Variants in APBA2 observed in about 807,000 individuals in gnomAD.
APBA2 encodes the protein amyloid beta precursor protein binding family A member 2.
In APBA2, 30 loss-of-function variants were observed where a neutral mutation model predicts 75.0. The observed-to-expected ratio is 0.40, with a 90% confidence interval of 0.30 to 0.54. The LOEUF is 0.54. Among genes scored for constraint, APBA2 ranks in the 20% least tolerant of loss-of-function variants. The pLI, the probability that APBA2 is intolerant of heterozygous loss-of-function variation, is 0.49. For missense variants in APBA2, 801 were observed against 1,016.1 expected (o/e 0.79, Z 2.88); for synonymous variants, 444 against 409.6 (o/e 1.08, Z -1.01).
At chr15:29,008,265 C>A (rs952856591) in intron 3 of APBA2, among the ~76,000 whole-genome samples, 4 of 152,126 alleles carry the variant, frequency 2.6e-5, no homozygotes, top group African/African-American at 9.7e-5. Context: ...TTAATTAGGA[C>A]AGAGGTTCAG....
chr15:29,078,575 T>C (rs1195236627), intron 6 of APBA2, among the ~76,000 whole-genome samples: 11 of 148,212 alleles, frequency 7.4e-5, no homozygotes, highest in Middle Eastern at 3.5e-3. Flanking sequence ...CATGCCACTG[T>C]ACTCCAGCCT....
At chr15:29,048,708 G>C (rs1239535379) in intron 3 of APBA2, among the ~76,000 whole-genome samples, 2 of 151,992 alleles carry the variant, frequency 1.3e-5, no homozygotes, top group East Asian at 3.9e-4. Context: ...GGCTGAGGCA[G>C]GTGAATCATG....
chr15:29,041,461 T>C (rs948187076), intron 3 of APBA2, among the ~76,000 whole-genome samples: 7 of 142,802 alleles, frequency 4.9e-5, no homozygotes, highest in Non-Finnish European at 1.0e-4. Flanking sequence ...CCAGCCTGGG[T>C]GACAGAGCAA....
intron 8 of APBA2, 84 bp downstream of exon 8, chr15:29,094,397 C>A: frequency 1.6e-6 from 2 of 1,276,540 alleles, no homozygotes; most frequent in African/African-American, 1.6e-5. Context: ...CTGGGGGGTT[C>A]CCCTGGGGAT....
At chr15:28,940,188 G>A (rs1191448757) in intron 2 of APBA2, among the ~76,000 whole-genome samples, 1 of 151,886 alleles carries the variant, frequency 6.6e-6, no homozygotes, top group Non-Finnish European at 1.5e-5. Context: ...GAGGAGAAAG[G>A]AGATACGGAG....
intron 2 of APBA2, among the ~76,000 whole-genome samples, chr15:28,970,839 G>A (rs1035062520): frequency 4.6e-5 from 7 of 151,954 alleles, no homozygotes; most frequent in African/African-American, 1.7e-4. Flanking sequence ...GGAGGAAAGG[G>A]AGTCCCCACC....
chr15:29,030,428 C>T (rs1025612839), intron 3 of APBA2, among the ~76,000 whole-genome samples: 1 of 151,874 alleles, frequency 6.6e-6, no homozygotes, highest in Admixed American at 6.6e-5. Context: ...CCCCACTGCA[C>T]TCTAGCCTGG....
rs547601373 is a variant in APBA2, at chr15:28,980,190, A to C, written c.-94-15563A>C. 1.4e-4 allele frequency among the ~76,000 whole-genome samples: 21 copies of C among 152,338 alleles called. No homozygotes were observed. In the South Asian group the frequency reaches 4.3e-3, roughly 32 times the overall value. On this transcript the variant is annotated intron_variant, in intron 2 of 14. Coordinates refer to ENST00000683413, the MANE Select transcript of APBA2 (RefSeq NM_001353788.2). Reference sequence around the variant, plus strand: ...GATTGAATTTAATCTGATTTCTGCTAGAGTTTGGTCATGTAAGATTTGAAA... The same window carrying C: ...GATTGAATTTAATCTGATTTCTGCTCGAGTTTGGTCATGTAAGATTTGAAA...
chr15:29,116,119 G>C (rs74721511), intron 14 of APBA2, among the ~76,000 whole-genome samples: 3,221 of 152,256 alleles, frequency 0.021, 137 homozygotes, highest in African/African-American at 0.075. Context: ...CGCAAAGAAG[G>C]ATTACAAGGC....
chr15:28,971,738 A>T (rs997656423), intron 2 of APBA2, among the ~76,000 whole-genome samples: 1 of 152,146 alleles, frequency 6.6e-6, no homozygotes, highest in Non-Finnish European at 1.5e-5. Flanking sequence ...AAAAAACTGT[A>T]CTTTAGAGAA....
intron 8 of APBA2, among the ~76,000 whole-genome samples, chr15:29,094,731 G>C (rs2043763847): frequency 6.6e-6 from 1 of 152,200 alleles, no homozygotes; most frequent in Admixed American, 6.5e-5. Context: ...AGGGTGAGTA[G>C]CTCAGTTTGC....
At chr15:28,927,333 CTTTTTGTTTTT>C (rs767144428) in intron 2 of APBA2, among the ~76,000 whole-genome samples, 68 of 122,478 alleles carry the variant, frequency 5.6e-4, no homozygotes, top group Non-Finnish European at 7.9e-4. Flanking sequence ...GGGTATTTTG[CTTTTTGTTTTT>C]TTTTTGTTTT....
At position 29,076,078 on chromosome 15, in the gene APBA2, A is replaced by C; in HGVS notation, c.1056A>C (p.Pro352=). 6.2e-7 allele frequency: 1 copy of C among 1,614,130 alleles called. No homozygotes were observed. Among genetic ancestry groups the C allele is most frequent in the East Asian group, 2.2e-5 (1 of 44,886 alleles). ...IPETKKVASF[P]SFVAVPGPCE... ...AGACAAAGAAGGTGGCATCATTTCC[A>C]AGTTTTGTGGCTGGTAAGTGACTTT... Residue 352 remains proline (P), a synonymous_variant, in exon 6 of 15, where the codon CCA becomes CCC. Coordinates refer to ENST00000683413, the MANE Select transcript of APBA2 (RefSeq NM_001353788.2).
intron 4 of APBA2, among the ~76,000 whole-genome samples, chr15:29,056,020 C>T (rs1253929219): frequency 6.6e-6 from 1 of 152,160 alleles, no homozygotes; most frequent in Non-Finnish European, 1.5e-5. Context: ...TGGTCTTTAG[C>T]AGGGCCTGGG....
At position 29,046,075 on chromosome 15, in the gene APBA2, G is replaced by T. The variant is rs1566942103; in HGVS notation, c.-40-7770G>T. ...AAAGGTGGGATTTGGCAGCTATGTG[G>T]GACCTTCCTTCAGGCACTAAAGGGC... On this transcript the variant is annotated intron_variant, in intron 3 of 14. Transcript: ENST00000683413. The surrounding 1 kb of genome is among the most constrained non-coding windows in gnomAD (Gnocchi z 5.0). Among the ~76,000 whole-genome samples, 1 of 152,144 alleles carries T rather than the reference G, an allele frequency of 6.6e-6. No homozygotes were observed. Among genetic ancestry groups the T allele is most frequent in the Non-Finnish European group, 1.5e-5 (1 of 68,026 alleles).
chr15:28,973,343 G>A (rs2037170530), intron 2 of APBA2, among the ~76,000 whole-genome samples: 1 of 152,208 alleles, frequency 6.6e-6, no homozygotes, highest in Admixed American at 6.5e-5. Context: ...GCAACTTGTA[G>A]TTGACACATG....
chr15:28,892,287 A>G (rs1230027866), intron 1 of APBA2, among the ~76,000 whole-genome samples: 4 of 152,068 alleles, frequency 2.6e-5, no homozygotes, highest in South Asian at 2.1e-4. Flanking sequence ...GTGTTAGCCA[A>G]GATGGTCTCG....
intron 6 of APBA2, among the ~76,000 whole-genome samples, chr15:29,091,005 G>A (rs773069619): frequency 1.3e-5 from 2 of 152,148 alleles, no homozygotes; most frequent in Non-Finnish European, 2.9e-5. Flanking sequence ...TGGGGGTACT[G>A]CATTGGGATA....
intron 2 of APBA2, among the ~76,000 whole-genome samples, chr15:28,963,654 A>G (rs928044757): frequency 1.3e-5 from 2 of 152,244 alleles, no homozygotes; most frequent in African/African-American, 4.8e-5. Context: ...GTTTTAGAAT[A>G]TAAATCTCAA....
Sources: gnomAD v4.1 joint callset for allele counts (sites outside exome capture counted in the v4.1 genomes callset) on GRCh38, gnomAD v4.1.1 for gene constraint, Gnocchi (gnomAD v3.1) non-coding constraint, MANE v1.5 for transcripts, NCBI Gene and HGNC (gene_info 2026-07-23, HGNC 2026-07-21) for gene names.